The following DLGAP2 variants were observed in gnomAD, a reference collection of about 807,000 sequenced individuals.
DLGAP2 encodes DLG associated protein 2, also known as disks large-associated protein 2.
DLGAP2 carries 26 observed loss-of-function variants against 100.3 expected under a neutral mutation model. The ratio of observed to expected loss-of-function variants is 0.26; its 90% confidence interval spans 0.19 to 0.36. The LOEUF (loss-of-function observed/expected upper bound fraction) is 0.36. Ranked by LOEUF, DLGAP2 falls within the 10% of genes least tolerant of loss-of-function variation. The pLI, the probability that DLGAP2 is intolerant of heterozygous loss-of-function variation, is 1.00. For synonymous variants in DLGAP2, 886 were observed against 630.1 expected (o/e 1.41, Z -6.08); for missense variants, 1,858 against 1,453.2 (o/e 1.28, Z -4.53).
rs184480966 is a variant in DLGAP2 at position 1,208,352 on chromosome 8, G to C, written c.74-50499G>C. 2.0e-4 allele frequency among the ~76,000 whole-genome samples: 30 copies of C among 152,238 alleles called. No homozygotes were observed. The East Asian group carries it at 2.3e-3, about 12-fold the overall frequency. On this transcript the variant is annotated intron_variant, in intron 2 of 14. Transcript: ENST00000637795. ...CCCCGCTTATGTTTTTGTTTGGTTT[G>C]TTAAAGATCAGTTGGCTGTAAAATC...
At chr8:1,498,923 C>G (rs768780777) in intron 3 of DLGAP2, among the ~76,000 whole-genome samples, 10 of 152,218 alleles carry the variant, frequency 6.6e-5, no homozygotes, top group Non-Finnish European at 1.3e-4. Context: ...ACACCGCACT[C>G]GGAAACCTTC....
In DLGAP2 at chr8:1,428,420, G is replaced by A. The variant is rs149211894; in HGVS notation, c.107-72946G>A. ...TAACTAGATCTCTCTTTCCTTGAGA[G>A]AGAGAGAGAGAAAGAGTGAGTGAGT... On this transcript the variant is annotated intron_variant, in intron 3 of 14. Transcript: ENST00000637795. 1.2e-3 allele frequency among the ~76,000 whole-genome samples: 176 copies of A among 152,212 alleles called. 1 individual carries two copies. The highest frequency in any genetic ancestry group is 1.9e-3 in the Admixed American group (29 of 15,282).
intron 2 of DLGAP2, among the ~76,000 whole-genome samples, chr8:1,177,428 C>T (rs1037818736): frequency 6.6e-6 from 1 of 152,100 alleles, no homozygotes; most frequent in African/African-American, 2.4e-5. Flanking sequence ...GGCCTCCTGA[C>T]TTTCCCACCA....
chr8:1,511,969 G>A (rs1372477519), intron 4 of DLGAP2, among the ~76,000 whole-genome samples: 1 of 152,234 alleles, frequency 6.6e-6, no homozygotes, highest in South Asian at 2.1e-4. Flanking sequence ...CCACCACTCG[G>A]GTTTGGTATT....
chr8:761,620 A>G (rs968074872), intron 1 of DLGAP2, among the ~76,000 whole-genome samples: 7 of 152,218 alleles, frequency 4.6e-5, no homozygotes, highest in Middle Eastern at 3.2e-3. Context: ...CCCTTAGGGA[A>G]CATCTTCTTT....
intron 3 of DLGAP2, among the ~76,000 whole-genome samples, chr8:1,446,275 G>A (rs1267842972): frequency 6.6e-6 from 1 of 151,624 alleles, no homozygotes; most frequent in Non-Finnish European, 1.5e-5. Flanking sequence ...TGTATAAGGT[G>A]TAAGGAAGGG....
chr8:740,294 A>G (rs572853570), intron 1 of DLGAP2: 2 of 152,340 alleles, frequency 1.3e-5, no homozygotes, highest in East Asian at 3.9e-4. Flanking sequence ...TCTATTTGTT[A>G]TTCTTCGAAA....
intron 3 of DLGAP2, among the ~76,000 whole-genome samples, chr8:1,338,860 T>C (rs13267050): frequency 0.43 from 23,696 of 54,932 alleles, 7,029 homozygotes; most frequent in African/African-American, 0.75. Flanking sequence ...ATGCAGTGAC[T>C]TCAGTGAGGC....
intron 2 of DLGAP2, among the ~76,000 whole-genome samples, chr8:957,247 A>G (rs1042334978): frequency 6.6e-6 from 1 of 152,248 alleles, no homozygotes; most frequent in Non-Finnish European, 1.5e-5. Flanking sequence ...TGGGACAGCC[A>G]GAGGCCCCTC....
chr8:784,619 C>T (rs1487093460), intron 1 of DLGAP2, among the ~76,000 whole-genome samples: 1 of 152,176 alleles, frequency 6.6e-6, no homozygotes, highest in African/African-American at 2.4e-5. Context: ...ACAGTTTTAT[C>T]TCAGAATGTC....
At chr8:1,211,052 C>T (rs375236669) in intron 2 of DLGAP2, among the ~76,000 whole-genome samples, 1 of 152,248 alleles carries the variant, frequency 6.6e-6, no homozygotes, top group Admixed American at 6.5e-5. Flanking sequence ...GGCTCTTCCG[C>T]CAGCCTTGGG....
chr8:1,172,054 C>T (rs1288531312), intron 2 of DLGAP2, among the ~76,000 whole-genome samples: 3 of 152,158 alleles, frequency 2.0e-5, no homozygotes, highest in African/African-American at 7.2e-5. Flanking sequence ...GTGCTTCCTT[C>T]AGGAGCTCTT....
chr8:1,337,721 G>A lies in DLGAP2; in HGVS notation c.106+78838G>A, dbSNP rs116733265. On this transcript the variant is annotated intron_variant, in intron 3 of 14. Transcript: ENST00000637795. Reference sequence around the variant, plus strand: ...CAGACAAACTTTATTGACATCTTTCGTGCTTCAAAAGACACAATCTAGAAA... The same window carrying A: ...CAGACAAACTTTATTGACATCTTTCATGCTTCAAAAGACACAATCTAGAAA... Among the ~76,000 whole-genome samples, 529 of 152,182 alleles carry A rather than the reference G, an allele frequency of 3.5e-3. 1 individual carries two copies. Among genetic ancestry groups the A allele is most frequent in the African/African-American group, 0.012 (487 of 41,504 alleles).
At chr8:1,526,321 G>A (rs1399328942) in intron 4 of DLGAP2, among the ~76,000 whole-genome samples, 1 of 151,844 alleles carries the variant, frequency 6.6e-6, no homozygotes, top group Non-Finnish European at 1.5e-5. Context: ...CCTCTTACCT[G>A]CACGCCTACC....
chr8:1,240,172 TTCTC>T (rs1798754889), intron 2 of DLGAP2, among the ~76,000 whole-genome samples: 1 of 143,680 alleles, frequency 7.0e-6, no homozygotes, highest in South Asian at 2.3e-4. Context: ...TCATGTCTAG[TTCTC>T]TCTCACACAG....
chr8:1,220,622 G>C (rs1798297793), intron 2 of DLGAP2, among the ~76,000 whole-genome samples: 1 of 152,064 alleles, frequency 6.6e-6, no homozygotes, highest in South Asian at 2.1e-4. Flanking sequence ...AGGTCTATTT[G>C]GTCAAGTGTG....
intron 2 of DLGAP2, among the ~76,000 whole-genome samples, chr8:1,081,629 G>T (rs1003184055): frequency 5.3e-5 from 8 of 152,188 alleles, no homozygotes; most frequent in African/African-American, 1.9e-4. Context: ...TGGATTACAG[G>T]CGTGACCCCC....
intron 3 of DLGAP2, among the ~76,000 whole-genome samples, chr8:1,411,760 A>G (rs1416595716): frequency 6.6e-6 from 1 of 152,142 alleles, no homozygotes; most frequent in Non-Finnish European, 1.5e-5. Flanking sequence ...ATTTCCGTGA[A>G]CTTTCCAGAA....
At chr8:1,256,474 C>T (rs1799220561) in intron 2 of DLGAP2, among the ~76,000 whole-genome samples, 1 of 125,588 alleles carries the variant, frequency 8.0e-6, no homozygotes, top group Non-Finnish European at 1.5e-5. Context: ...TCCTCTCCTG[C>T]CTGGGTGCTG....
Sources: allele counts gnomAD v4.1 joint callset (sites outside exome capture counted in the v4.1 genomes callset), GRCh38; gene constraint gnomAD v4.1.1; transcripts MANE v1.5; gene names NCBI Gene and HGNC (gene_info 2026-07-23, HGNC 2026-07-21).